NGLY1: variants seen among roughly 807,000 people sequenced by gnomAD.
The protein encoded by NGLY1 is peptide-N(4)-(N-acetyl-beta-glucosaminyl)asparagine amidase.
Under a neutral mutation model 84.6 loss-of-function variants are expected in NGLY1, and 68 were observed. The ratio of observed to expected loss-of-function variants is 0.80; its 90% CI spans 0.66 to 0.98. The LOEUF (loss-of-function observed/expected upper bound fraction) is 0.98. NGLY1 is among the 50% of genes least tolerant of loss of function. NGLY1 has a pLI of 0.00. For synonymous variants in NGLY1, 280 were observed against 275.2 expected, an observed-to-expected ratio of 1.02 and a Z score of -0.17; for missense variants, 779 against 770.2, an observed-to-expected ratio of 1.01 and a Z score of -0.14.
At chr3:25,740,558 A>G (rs540190808) in intron 4 of NGLY1, among the ~76,000 whole-genome samples, 18 of 152,306 alleles carry the variant, frequency 1.2e-4, no homozygotes, top group African/African-American at 4.3e-4. Context: ...AATAAAACAT[A>G]AATATGAAGG....
At chr3:25,766,576 C>T (rs1368725195) in intron 2 of NGLY1, among the ~76,000 whole-genome samples, 2 of 152,134 alleles carry the variant, frequency 1.3e-5, no homozygotes, top group Non-Finnish European at 2.9e-5. Context: ...AATGATTAGA[C>T]GACTGGCACA....
At chr3:25,738,159 A>T (rs1203613611) in intron 5 of NGLY1, among the ~76,000 whole-genome samples, 1 of 152,236 alleles carries the variant, frequency 6.6e-6, no homozygotes, top group Non-Finnish European at 1.5e-5. Context: ...TTAGCACTAA[A>T]GTGGTATAGC....
chr3:25,739,493 A>G (rs879084076), intron 5 of NGLY1, 84 bp downstream of exon 5: 1 of 1,288,240 alleles, frequency 7.8e-7, no homozygotes, highest in Non-Finnish European at 1.1e-6. Flanking sequence ...TGATAATTAA[A>G]TATTAAAAAG....
At chr3:25,751,328 A>C (rs1187307569) in intron 3 of NGLY1, 65 bp from the exon 4 acceptor site, 4 of 1,303,934 alleles carry the variant, frequency 3.1e-6, no homozygotes, top group African/African-American at 1.5e-5. Flanking sequence ...ATATATAATA[A>C]AAAAACTGTG....
At chr3:25,789,787 T>C (rs1382430767) in intron 1 of NGLY1, 1 of 1,484,330 alleles carries the variant, frequency 6.7e-7, no homozygotes. Context: ...TGGTGTCCCT[T>C]CTCCGACAAA....
chr3:25,772,539 T>C (rs1413883247), intron 2 of NGLY1, among the ~76,000 whole-genome samples: 1 of 152,198 alleles, frequency 6.6e-6, no homozygotes, highest in East Asian at 1.9e-4. Context: ...TCTTTATGTA[T>C]TAAGTGAGTC....
intron 4 of NGLY1, among the ~76,000 whole-genome samples, chr3:25,746,184 A>G (rs1363268300): frequency 6.6e-6 from 1 of 152,148 alleles, no homozygotes; most frequent in African/African-American, 2.4e-5. Context: ...ATTGTTCCCA[A>G]ATAGAGCCTG....
At chr3:25,753,397 A>G (rs905652038) in intron 3 of NGLY1, among the ~76,000 whole-genome samples, 2 of 135,188 alleles carry the variant, frequency 1.5e-5, no homozygotes, top group Non-Finnish European at 3.3e-5. Context: ...TAAAAGAATT[A>G]TTAGGAAAGT....
chr3:25,737,509 A>C, intron 5 of NGLY1, 54 bp from the exon 6 acceptor site: 1 of 1,428,456 alleles, frequency 7.0e-7, no homozygotes, highest in Admixed American at 2.1e-5. Flanking sequence ...TTTTAAGAGA[A>C]TTTACATTAC....
intron 3 of NGLY1, among the ~76,000 whole-genome samples, chr3:25,757,192 A>G (rs960613137): frequency 3.9e-5 from 6 of 152,166 alleles, no homozygotes; most frequent in African/African-American, 7.2e-5. Flanking sequence ...AAGGTAATAG[A>G]AAAACAGGTA....
chr3:25,781,924 T>C (rs926842791), intron 1 of NGLY1, among the ~76,000 whole-genome samples: 3 of 152,214 alleles, frequency 2.0e-5, no homozygotes, highest in Non-Finnish European at 2.9e-5. Context: ...TCTCAGCTAA[T>C]GGGCTCTGGA....
chr3:25,774,781 G>T (rs751449681), intron 2 of NGLY1, among the ~76,000 whole-genome samples: 7 of 151,902 alleles, frequency 4.6e-5, no homozygotes, highest in African/African-American at 2.4e-5. Flanking sequence ...TTCTGTGCTT[G>T]TATCTGCAGT....
intron 2 of NGLY1, among the ~76,000 whole-genome samples, chr3:25,764,866 G>A (rs1319134151): frequency 6.6e-6 from 1 of 152,098 alleles, no homozygotes; most frequent in East Asian, 1.9e-4. Context: ...CCACGATAAC[G>A]AAAAGTACAC....
At chr3:25,740,368 C>T (rs2125487166) in intron 4 of NGLY1, among the ~76,000 whole-genome samples, 1 of 152,172 alleles carries the variant, frequency 6.6e-6, no homozygotes, top group African/African-American at 2.4e-5. Flanking sequence ...TATAACAACC[C>T]TAGTAAGTTA....
Position 25,765,439 on chromosome 3 carries a change from G to C in NGLY1, c.247-1128C>G, listed in dbSNP as rs1575651743. Among the ~76,000 whole-genome samples the C allele has an allele frequency of 2.8e-5, 4 of 144,312 alleles. 1 individual carries two copies. The highest frequency in any genetic ancestry group is 7.8e-5 in the African/African-American group (3 of 38,478). 94.7% of individuals were successfully genotyped at this position (144,312 alleles called of 152,430 possible). A position where few individuals can be genotyped will look rare whatever the true frequency, so the allele number is the denominator to read the frequency against. ...ACTGCACTCCAGCCTAGGTGACAGAGCAGGACTCAGTCTCAAAAAAAAAAA... is the reference window on the plus strand; with the variant it reads ...ACTGCACTCCAGCCTAGGTGACAGACCAGGACTCAGTCTCAAAAAAAAAAA... On this transcript the variant is annotated intron_variant, in intron 2 of 11. Coordinates refer to ENST00000280700, the MANE Select transcript of NGLY1 (RefSeq NM_018297.4).
intron 4 of NGLY1, among the ~76,000 whole-genome samples, chr3:25,742,256 T>C (rs1229866047): frequency 1.3e-5 from 2 of 152,142 alleles, no homozygotes; most frequent in Non-Finnish European, 2.9e-5. Context: ...CCAGGAGACA[T>C]GGTTTACAAG....
intron 4 of NGLY1, chr3:25,749,706 G>GCTTC: frequency 1.3e-6 from 2 of 1,583,300 alleles, no homozygotes; most frequent in South Asian, 2.2e-5. Context: ...CTGCCCAGTG[G>GCTTC]CTTCCAGAAG....
intron 10 of NGLY1, among the ~76,000 whole-genome samples, chr3:25,723,426 T>C (rs1159294766): frequency 1.3e-5 from 2 of 152,222 alleles, no homozygotes; most frequent in African/African-American, 2.4e-5. Context: ...ACCCTATTTA[T>C]ACAGAAAATT....
At chr3:25,723,882 C>T (rs2125449902) in intron 10 of NGLY1, among the ~76,000 whole-genome samples, 1 of 152,228 alleles carries the variant, frequency 6.6e-6, no homozygotes, top group South Asian at 2.1e-4. Context: ...AGGTTTTCTC[C>T]TGTATTCTAT....
Sources: allele counts gnomAD v4.1 joint callset (sites outside exome capture counted in the v4.1 genomes callset), GRCh38; gene constraint gnomAD v4.1.1; transcripts MANE v1.5; gene names NCBI Gene and HGNC (gene_info 2026-07-23, HGNC 2026-07-21).